The following KATNB1 variants were observed in gnomAD, a reference collection of about 807,000 sequenced individuals.
The protein encoded by KATNB1 is katanin regulatory subunit B1.
Under a neutral mutation model 82.3 loss-of-function variants are expected in KATNB1, and 38 were observed. That is an observed-to-expected ratio of 0.46 (90% CI 0.36 to 0.61). KATNB1 has a LOEUF of 0.61. Among genes scored for constraint, KATNB1 ranks in the 20% least tolerant of loss-of-function variants. The probability of loss-of-function intolerance (pLI) is 0.00; values close to 1 mark genes in which losing one functional copy is unlikely to be tolerated. For synonymous variants in KATNB1, 361 were observed against 368.7 expected (o/e 0.98, Z 0.24); for missense variants, 749 against 915.7 (o/e 0.82, Z 2.35).
chr16:57,741,467 C>A (rs550695495), intron 2 of KATNB1, among the ~76,000 whole-genome samples: 1 of 152,332 alleles, frequency 6.6e-6, no homozygotes, highest in African/African-American at 2.4e-5. Flanking sequence ...GAAAGACAGG[C>A]ATGATGAAAG....
At chr16:57,739,567 A>C (rs376784089) in intron 2 of KATNB1, among the ~76,000 whole-genome samples, 2 of 152,202 alleles carry the variant, frequency 1.3e-5, no homozygotes, top group African/African-American at 4.8e-5. Context: ...GTTGCTGTCC[A>C]ACAAGCCAGG....
At chr16:57,745,727 A>G (rs1313876460) in intron 4 of KATNB1, among the ~76,000 whole-genome samples, 8 of 152,114 alleles carry the variant, frequency 5.3e-5, no homozygotes, top group Admixed American at 3.3e-4. Context: ...GTAAGGACGC[A>G]TAAGTGTCAT....
chr16:57,741,874 C>T, intron 3 of KATNB1, 57 bp downstream of exon 3: 1 of 1,559,240 alleles, frequency 6.4e-7, no homozygotes, highest in Non-Finnish European at 8.7e-7. Context: ...GGGACGGGGA[C>T]AGGGGTTGGA....
intron 2 of KATNB1, among the ~76,000 whole-genome samples, chr16:57,740,832 C>T (rs888691505): frequency 3.3e-4 from 51 of 152,328 alleles, no homozygotes; most frequent in African/African-American, 1.2e-3. Context: ...CTGCCCCCTC[C>T]TCATGAAGCC....
At chr16:57,755,049 G>A in intron 14 of KATNB1, 52 bp downstream of exon 14, 1 of 1,613,526 alleles carries the variant, frequency 6.2e-7, no homozygotes, top group Non-Finnish European at 8.5e-7. Flanking sequence ...TCCTGACCCA[G>A]GGTTGGGGGT....
chr16:57,756,602 A>G, intron 19 of KATNB1, 130 bp downstream of exon 19: 1 of 1,176,148 alleles, frequency 8.5e-7, no homozygotes, highest in Non-Finnish European at 1.2e-6. Flanking sequence ...GTCTGGGGCC[A>G]TGGCTCAGGG....
rs978962893 is a variant in KATNB1, at chr16:57,755,125, G to A, written c.1303G>A (p.Val435Ile). 2.5e-6 allele frequency: 4 copies of A among 1,612,848 alleles called. No homozygotes were observed. The Admixed American group carries it at 6.7e-5, about 27-fold the overall frequency. The change falls in exon 15 of 20, where the codon GTC becomes ATC. Residue 435 changes from valine to isoleucine, a missense_variant. Transcript: ENST00000379661. Reference sequence around the variant, plus strand: ...CTGAGTTTCACACTTTCAGCTGGAGGTCCTGCCCCGGCCCCCAGTGGTTGC... The same window carrying A: ...CTGAGTTTCACACTTTCAGCTGGAGATCCTGCCCCGGCCCCCAGTGGTTGC... ...DVQFPVPNLEVLPRPPVVAST... is the reference protein window; with the variant it reads ...DVQFPVPNLEILPRPPVVAST...
chr16:57,740,954 C>T (rs782656735), intron 2 of KATNB1, among the ~76,000 whole-genome samples: 1 of 152,250 alleles, frequency 6.6e-6, no homozygotes, highest in Non-Finnish European at 1.5e-5. Flanking sequence ...CGTAGGCGCG[C>T]TCTGAGGGAG....
rs139101999 is a variant in KATNB1, at chr16:57,754,966, C to T, written c.1265C>T (p.Pro422Leu). 2 of 1,614,014 alleles carry T rather than the reference C, an allele frequency of 1.2e-6. No homozygotes were observed. Among genetic ancestry groups the T allele is most frequent in the Non-Finnish European group, 1.7e-6 (2 of 1,180,050 alleles). The part of the protein sequence containing the change: ...ATAKEAAKPS[P>L]AMDVQFPVPN... Reference sequence around the variant, plus strand: ...GCAAAGGAGGCAGCAAAGCCCAGCCCTGCCATGGATGTGCAGTTCCCGGTG... The same window carrying T: ...GCAAAGGAGGCAGCAAAGCCCAGCCTTGCCATGGATGTGCAGTTCCCGGTG... The change falls in exon 14 of 20, where the codon CCT becomes CTT. Residue 422 changes from proline (P) to leucine (L), a missense_variant. Coordinates refer to ENST00000379661, the MANE Select transcript of KATNB1 (RefSeq NM_005886.3).
At chr16:57,737,728 G>A (rs1442905742) in intron 2 of KATNB1, among the ~76,000 whole-genome samples, 3 of 152,156 alleles carry the variant, frequency 2.0e-5, no homozygotes, top group Non-Finnish European at 4.4e-5. Context: ...GCGAGGAGGG[G>A]CGGGCAGAGG....
Position 57,744,621 on chromosome 16 carries a change from C to T in KATNB1, c.289+110C>T, listed in dbSNP as rs373061812. ...TGCCTGGACTACGTTGGCTGCTTTGCTCCTGGAGCACTAACCCGGCAGTGT... is the reference window on the plus strand; with the variant it reads ...TGCCTGGACTACGTTGGCTGCTTTGTTCCTGGAGCACTAACCCGGCAGTGT... On this transcript the variant is annotated intron_variant, in intron 4 of 19. Coordinates refer to ENST00000379661, the MANE Select transcript of KATNB1 (RefSeq NM_005886.3). 944 of 903,152 alleles carry T rather than the reference C, an allele frequency of 1.0e-3. 10 individuals are homozygous for T. The African/African-American group carries it at 0.013, about 12-fold the overall frequency. The allele number at this position is 903,152 out of a possible 1,614,324, so 55.9% of individuals were successfully genotyped here.
intron 1 of KATNB1, 25 bp from the exon 2 acceptor site, chr16:57,736,953 A>G: frequency 1.5e-6 from 1 of 662,808 alleles, no homozygotes. Context: ...TTCTAACATG[A>G]CGTCACCTCT....
chr16:57,747,545 T>C (rs1177386103), intron 4 of KATNB1, among the ~76,000 whole-genome samples: 1 of 152,218 alleles, frequency 6.6e-6, no homozygotes, highest in East Asian at 1.9e-4. Context: ...CAGGACCTCT[T>C]TGATAACAAA....
At chr16:57,744,364 T>A in intron 3 of KATNB1, 30 bp from the exon 4 acceptor site, 1 of 1,567,092 alleles carries the variant, frequency 6.4e-7, no homozygotes, top group Non-Finnish European at 8.8e-7. Flanking sequence ...TGTCCAGCAG[T>A]GCACGGAAGC....
chr16:57,737,295 T>A lies in KATNB1; in HGVS notation c.40+12T>A, dbSNP rs2148786654. 6.2e-7 allele frequency: 1 copy of A among 1,614,156 alleles called. No individual in the cohort carries two copies. The highest frequency in any genetic ancestry group is 1.1e-5 in the South Asian group (1 of 91,084). On this transcript the variant is annotated intron_variant, in intron 2 of 19. Coordinates refer to ENST00000379661, the MANE Select transcript of KATNB1 (RefSeq NM_005886.3). ...AGCCTGGAAGTTGCGTGAGTGGTTT[T>A]CATTTTTCTTTATCACCCCATTTAT...
intron 4 of KATNB1, among the ~76,000 whole-genome samples, chr16:57,748,019 G>A (rs1038414807): frequency 6.6e-6 from 1 of 152,172 alleles, no homozygotes; most frequent in Admixed American, 6.5e-5. Flanking sequence ...GGTGGGCCCA[G>A]GATCTGGATT....
rs1397336849 is a variant in KATNB1 at position 57,751,737 on chromosome 16, C to A, written c.516+13C>A. 1 of 1,607,370 alleles carries A rather than the reference C, an allele frequency of 6.2e-7. No individual in the cohort carries two copies. Among genetic ancestry groups the A allele is most frequent in the Non-Finnish European group, 8.5e-7 (1 of 1,179,598 alleles). ...CCACACCGTGAAGGTAGCTCCCGGCCTGACCTGGGCCCAGGGGCTGGGGGC... is the reference window on the plus strand; with the variant it reads ...CCACACCGTGAAGGTAGCTCCCGGCATGACCTGGGCCCAGGGGCTGGGGGC... On this transcript the variant is annotated intron_variant, in intron 7 of 19. Coordinates refer to ENST00000379661, the MANE Select transcript of KATNB1 (RefSeq NM_005886.3). The surrounding 1 kb of genome is among the most constrained non-coding windows in gnomAD (Gnocchi z 6.3).
rs781876484 is a variant in KATNB1, at chr16:57,755,914, A to G, written c.1640A>G (p.Lys547Arg). The change falls in exon 17 of 20, where the codon AAA (lysine) becomes AGA (arginine). Residue 547 changes from lysine (K) to arginine (R), a missense_variant. By Grantham distance (26) the Lys-to-Arg change is conservative. Coordinates refer to ENST00000379661, the MANE Select transcript of KATNB1 (RefSeq NM_005886.3). Reference sequence around the variant, plus strand: ...GACCTCCTGAACATCGTCAACCAGAAAGCGTAAGTGGCTGCAGAGGGGGAG... The same window carrying G: ...GACCTCCTGAACATCGTCAACCAGAGAGCGTAAGTGGCTGCAGAGGGGGAG... ...VVDLLNIVNQ[K>R]ASLWKLDLCT... is the part of the protein sequence containing the mutation. 2 of 1,599,564 alleles carry G rather than the reference A, an allele frequency of 1.3e-6. No homozygotes were observed. Among genetic ancestry groups the G allele is most frequent in the South Asian group, 2.2e-5 (2 of 90,448 alleles).
intron 4 of KATNB1, among the ~76,000 whole-genome samples, chr16:57,747,971 C>G (rs540260957): frequency 6.6e-6 from 1 of 152,282 alleles, no homozygotes; most frequent in East Asian, 1.9e-4. Flanking sequence ...GAACTCACGG[C>G]CCAGACTCCA....
Sources: gnomAD v4.1 joint callset for allele counts (sites outside exome capture counted in the v4.1 genomes callset) on GRCh38, gnomAD v4.1.1 for gene constraint, Gnocchi (gnomAD v3.1) non-coding constraint, MANE v1.5 for transcripts, NCBI Gene and HGNC (gene_info 2026-07-23, HGNC 2026-07-21) for gene names.